The following DSE variants were observed in gnomAD, a reference collection of about 807,000 sequenced individuals.
DSE encodes the protein dermatan-sulfate epimerase.
DSE carries 36 observed loss-of-function variants against 84.4 expected under a neutral mutation model. That is an observed-to-expected ratio of 0.43 (90% CI 0.33 to 0.56). The LOEUF (loss-of-function observed/expected upper bound fraction) is 0.56, where lower values mean the gene tolerates loss of function less well. Ranked by LOEUF, DSE falls within the 20% of genes least tolerant of loss-of-function variation. The pLI is 0.06. For missense variants in DSE, 862 were observed against 1,169.6 expected, an observed-to-expected ratio of 0.74 and a Z score of 3.84; for synonymous variants, 410 against 430.1, an observed-to-expected ratio of 0.95 and a Z score of 0.58.
At chr6:116,416,289 G>A (rs1340839692) in intron 2 of DSE, among the ~76,000 whole-genome samples, 1 of 151,402 alleles carries the variant, frequency 6.6e-6, no homozygotes, top group East Asian at 1.9e-4. Flanking sequence ...GGTAATGTAT[G>A]CACAGTTTCT....
chr6:116,363,697 TC>T (rs1218612106), intron 2 of DSE, among the ~76,000 whole-genome samples: 1 of 152,220 alleles, frequency 6.6e-6, no homozygotes, highest in Admixed American at 6.5e-5. Context: ...TGTTCATATA[TC>T]GGGGAGAAAT....
chr6:116,256,643 G>A (rs1157088507), intron 1 of DSE: 1 of 152,108 alleles, frequency 6.6e-6, no homozygotes, highest in African/African-American at 2.4e-5. Context: ...ATCTACGACA[G>A]TATAGTCCAG....
intron 2 of DSE, among the ~76,000 whole-genome samples, chr6:116,347,125 C>G (rs1778024898): frequency 6.6e-6 from 1 of 152,108 alleles, no homozygotes; most frequent in East Asian, 1.9e-4. Flanking sequence ...AAAGAGGACA[C>G]AAACAAATGG....
intron 2 of DSE, among the ~76,000 whole-genome samples, chr6:116,330,630 A>T (rs1776880413): frequency 6.6e-6 from 1 of 152,222 alleles, no homozygotes; most frequent in African/African-American, 2.4e-5. Context: ...AGAAAAATAC[A>T]AAAAATACAA....
intron 2 of DSE, chr6:116,279,225 T>C (rs1449621569): frequency 1.2e-6 from 2 of 1,609,738 alleles, no homozygotes; most frequent in African/African-American, 1.3e-5. Flanking sequence ...CCGCCACTTC[T>C]ATTTCTTCAC....
At chr6:116,397,762 A>C (rs143883633) in intron 1 of DSE, among the ~76,000 whole-genome samples, 93 of 152,326 alleles carry the variant, frequency 6.1e-4, no homozygotes, top group African/African-American at 2.2e-3. Context: ...TAGTATGGCT[A>C]TATTAATTTT....
intron 2 of DSE, among the ~76,000 whole-genome samples, chr6:116,270,873 C>A (rs765901346): frequency 6.6e-6 from 1 of 152,160 alleles, no homozygotes; most frequent in Non-Finnish European, 1.5e-5. Context: ...ATGTTACCTT[C>A]GTCTTGGATA....
chr6:116,320,676 AG>A (rs1776252059), intron 2 of DSE, among the ~76,000 whole-genome samples: 1 of 152,128 alleles, frequency 6.6e-6, no homozygotes, highest in South Asian at 2.1e-4. Flanking sequence ...CCTTTGCTTG[AG>A]GTGGCCACTC....
At position 116,283,519 on chromosome 6, in the gene DSE, T is replaced by A. The variant is rs1773669598; in HGVS notation, c.-54+24552T>A. On this transcript the variant is annotated intron_variant, in intron 2 of 3. Coordinates refer to the DSE transcript ENST00000430252. ...TCATAGCATGGGGCTCAGGTTTGGG[T>A]AGATTCTTTGTTGTTGTTGTTGTTG... Among the ~76,000 whole-genome samples, 5 of 137,106 alleles carry A rather than the reference T, an allele frequency of 3.6e-5. No homozygotes were observed. In the Admixed American group the frequency reaches 3.8e-4, roughly 10 times the overall value. The allele number at this position is 137,106 out of a possible 152,430, so 89.9% of individuals were successfully genotyped here. A position where few individuals can be genotyped will look rare whatever the true frequency, so the allele number is the denominator to read the frequency against.
chr6:116,260,246 C>CT (rs910513923), intron 2 of DSE, among the ~76,000 whole-genome samples: 5 of 151,198 alleles, frequency 3.3e-5, no homozygotes, highest in Non-Finnish European at 7.4e-5. Context: ...TGATGTTGAG[C>CT]TTTTTTTTTC....
chr6:116,283,007 T>G lies in DSE; in HGVS notation c.-54+24040T>G, dbSNP rs957837742. ...GTAGGACTATTACTTGTGGATTTTTTGTTCACCTTTTTGTATCTAAAAAGG... is the reference window on the plus strand; with the variant it reads ...GTAGGACTATTACTTGTGGATTTTTGGTTCACCTTTTTGTATCTAAAAAGG... On this transcript the variant is annotated intron_variant, in intron 2 of 3. Transcript: ENST00000430252. 5.9e-5 allele frequency among the ~76,000 whole-genome samples: 9 copies of G among 152,196 alleles called. No homozygotes were observed. In the East Asian group the frequency reaches 1.7e-3, roughly 29 times the overall value.
chr6:116,292,676 A>C lies in DSE; in HGVS notation c.-54+33709A>C, dbSNP rs557403759. 3.9e-5 allele frequency among the ~76,000 whole-genome samples: 6 copies of C among 152,288 alleles called. No homozygotes were observed. In the East Asian group the frequency reaches 9.6e-4, roughly 24 times the overall value. Reference sequence around the variant, plus strand: ...AGTGTTGAGGAAGCAAACAAACAAAAAAAAAGAAAACAAACTGAATGTCAG... The same window carrying C: ...AGTGTTGAGGAAGCAAACAAACAAACAAAAAGAAAACAAACTGAATGTCAG... On this transcript the variant is annotated intron_variant, in intron 2 of 3. Transcript: ENST00000430252.
intron 2 of DSE, among the ~76,000 whole-genome samples, chr6:116,264,648 T>C (rs1288678574): frequency 6.6e-6 from 1 of 152,174 alleles, no homozygotes. Flanking sequence ...TAAGGCACTT[T>C]GGCTTTTTGA....
At chr6:116,280,701 G>A (rs936008133) in intron 2 of DSE, among the ~76,000 whole-genome samples, 18 of 152,202 alleles carry the variant, frequency 1.2e-4, no homozygotes, top group Non-Finnish European at 2.2e-4. Context: ...CAATGTCTCT[G>A]GTTGAAGTGT....
At chr6:116,258,201 A>G (rs1345720480) in intron 1 of DSE, among the ~76,000 whole-genome samples, 1 of 150,838 alleles carries the variant, frequency 6.6e-6, no homozygotes, top group Non-Finnish European at 1.5e-5. Context: ...TTTTTAGTAG[A>G]TACAGGGTTT....
At chr6:116,361,186 A>G (rs887511080) in intron 2 of DSE, among the ~76,000 whole-genome samples, 1 of 151,810 alleles carries the variant, frequency 6.6e-6, no homozygotes, top group African/African-American at 2.4e-5. Context: ...TAGCCTCCCC[A>G]GTAGCTGCGA....
intron 2 of DSE, among the ~76,000 whole-genome samples, chr6:116,303,903 A>G (rs1302716018): frequency 1.3e-5 from 2 of 152,118 alleles, no homozygotes; most frequent in African/African-American, 4.8e-5. Context: ...TGGGAGGCCA[A>G]GGTGGGCAGA....
intron 2 of DSE, among the ~76,000 whole-genome samples, chr6:116,357,865 C>T (rs1204999527): frequency 2.6e-5 from 4 of 152,226 alleles, no homozygotes; most frequent in East Asian, 1.9e-4. Context: ...TAGAAATGCC[C>T]GGCCCATGTC....
Position 116,425,628 on chromosome 6 carries a change from T to A in DSE, c.417-946T>A, listed in dbSNP as rs558643454. On this transcript the variant is annotated intron_variant, in intron 2 of 5. Transcript: ENST00000644252. ...TATTTTATTTATTTTTATTTTATTT[T>A]ATTTTTTTTTTTGAGACGGAGTCTC... Among the ~76,000 whole-genome samples the A allele has an allele frequency of 5.3e-4, 74 of 140,786 alleles. 2 individuals carry two copies. Among genetic ancestry groups the A allele is most frequent in the African/African-American group, 1.5e-3 (58 of 37,810 alleles). The allele number at this position is 140,786 out of a possible 152,430, so 92.4% of individuals were successfully genotyped here.
Sources: allele counts gnomAD v4.1 joint callset (sites outside exome capture counted in the v4.1 genomes callset), GRCh38; gene constraint gnomAD v4.1.1; transcripts MANE v1.5; gene names NCBI Gene and HGNC (gene_info 2026-07-23, HGNC 2026-07-21).